Variants in ST3GAL4 observed in about 807,000 individuals in gnomAD.
ST3GAL4 encodes the protein CMP-N-acetylneuraminate-beta-galactosamide-alpha-2,3-sialyltransferase 4.
In ST3GAL4, 24 loss-of-function variants were observed where a neutral mutation model predicts 42.6. The ratio of observed to expected loss-of-function variants is 0.56; its 90% CI spans 0.41 to 0.79. The LOEUF (loss-of-function observed/expected upper bound fraction) is 0.79, where lower values mean the gene tolerates loss of function less well. ST3GAL4 is among the 30% of genes least tolerant of loss of function. ST3GAL4 has a pLI of 0.00. For synonymous variants in ST3GAL4, 135 were observed against 163.2 expected (o/e 0.83, Z 1.32); for missense variants, 311 against 430.8 (o/e 0.72, Z 2.46).
Position 126,407,640 on chromosome 11 carries a change from G to A in ST3GAL4, c.341+6G>A, listed in dbSNP as rs771545711. ...ATCCCCAAGAACATCCAGAGGTAAG[G>A]CGGCACTCCGACTCCAGTCTGGGCA... On this transcript the variant is annotated splice_donor_region_variant and intron_variant, in intron 6 of 10. Transcript: ENST00000444328. 3.3e-5 allele frequency: 53 copies of A among 1,613,794 alleles called. No homozygotes were observed. In the South Asian group the frequency reaches 5.7e-4, roughly 17 times the overall value.
Position 126,414,349 on chromosome 11 carries a change from G to A in ST3GAL4, c.*302G>A, listed in dbSNP as rs1591503469. On this transcript the variant is annotated 3_prime_UTR_variant, in exon 11 of 11. Transcript: ENST00000444328. ...TTATTTAATGGGCTATTTAATTAAGGGGTAGGAAGGTGCTGTGGGCTGGTC... is the reference window on the plus strand; with the variant it reads ...TTATTTAATGGGCTATTTAATTAAGAGGTAGGAAGGTGCTGTGGGCTGGTC... 2.4e-6 allele frequency: 1 copy of A among 419,380 alleles called. No homozygotes were observed. The highest frequency in any genetic ancestry group is 3.6e-5 in the Admixed American group (1 of 27,936). 26.0% of individuals were successfully genotyped at this position (419,380 alleles called of 1,614,324 possible).
In ST3GAL4 at chr11:126,367,006, G is replaced by C. The variant is rs563407061; in HGVS notation, c.-61+11164G>C. ...GGATAGAGTGTGTCATCTGCAGAGG[G>C]AGCACTGTTCTGGAAGTGGACTCTG... On this transcript the variant is annotated intron_variant, in intron 1 of 10. Coordinates refer to ENST00000444328, the MANE Select transcript of ST3GAL4 (RefSeq NM_001254757.2). 1.2e-3 allele frequency among the ~76,000 whole-genome samples: 185 copies of C among 152,188 alleles called. 1 individual carries two copies. The highest frequency in any genetic ancestry group is 4.1e-3 in the African/African-American group (172 of 41,498).
intron 1 of ST3GAL4, among the ~76,000 whole-genome samples, chr11:126,368,135 A>G (rs1952505097): frequency 6.8e-6 from 1 of 147,992 alleles, no homozygotes; most frequent in Non-Finnish European, 1.5e-5. Context: ...CCACAGAGTG[A>G]GACTGTCTCA....
intron 8 of ST3GAL4, chr11:126,408,757 C>T (rs1430085705): frequency 3.8e-6 from 2 of 532,100 alleles, no homozygotes; most frequent in Non-Finnish European, 6.7e-6. Flanking sequence ...GTGTCTGTGA[C>T]AGGAAAGCTT....
intron 1 of ST3GAL4, among the ~76,000 whole-genome samples, chr11:126,369,792 TCTCCCACCCGCC>T (rs1952574270): frequency 6.6e-6 from 1 of 152,186 alleles, no homozygotes; most frequent in Non-Finnish European, 1.5e-5. Flanking sequence ...AGAAAGTCAC[TCTCCCACCCGCC>T]CTCTTGAGAG....
At position 126,394,248 on chromosome 11, in the gene ST3GAL4, C is replaced by A. The variant is rs539204817; in HGVS notation, c.-60-11848C>A. Among the ~76,000 whole-genome samples, 3 of 152,248 alleles carry A rather than the reference C, an allele frequency of 2.0e-5. No homozygotes were observed. In the South Asian group the frequency reaches 6.2e-4, roughly 32 times the overall value. ...CATTGCTTCTCCTGGGAGGGAGGAGCGCCCGGGAGCCCCTGACCAGGACCT... is the reference window on the plus strand; with the variant it reads ...CATTGCTTCTCCTGGGAGGGAGGAGAGCCCGGGAGCCCCTGACCAGGACCT... On this transcript the variant is annotated intron_variant, in intron 1 of 10. Transcript: ENST00000444328.
intron 1 of ST3GAL4, among the ~76,000 whole-genome samples, chr11:126,374,454 C>CA (rs869295718): frequency 0.15 from 8,943 of 58,690 alleles, 344 homozygotes; most frequent in Non-Finnish European, 0.18. Flanking sequence ...ACTTTGTCTC[C>CA]AAAAAAAAAA....
Position 126,369,324 on chromosome 11 carries a change from T to C in ST3GAL4, c.-61+13482T>C, listed in dbSNP as rs1299595483. ...GCACAGTGGTGTGATCTCGGCTCAC[T>C]GCAACCTCGGCCTCCTGGATTCAAG... On this transcript the variant is annotated intron_variant, in intron 1 of 10. Transcript: ENST00000444328. Among the ~76,000 whole-genome samples the C allele has an allele frequency of 5.9e-5, 9 of 151,714 alleles. No individual in the cohort carries two copies. The East Asian group carries it at 1.6e-3, about 26-fold the overall frequency.
At chr11:126,369,041 A>G (rs1269518532) in intron 1 of ST3GAL4, among the ~76,000 whole-genome samples, 1 of 152,018 alleles carries the variant, frequency 6.6e-6, no homozygotes, top group Non-Finnish European at 1.5e-5. Flanking sequence ...CAGGGTGCAT[A>G]CTGTGGCTGG....
At chr11:126,369,813 A>C (rs956444267) in intron 1 of ST3GAL4, among the ~76,000 whole-genome samples, 1 of 152,224 alleles carries the variant, frequency 6.6e-6, no homozygotes, top group African/African-American at 2.4e-5. Context: ...CCCTCTTGAG[A>C]GGCAATAGCC....
intron 1 of ST3GAL4, among the ~76,000 whole-genome samples, chr11:126,367,516 G>C (rs1157306474): frequency 1.3e-5 from 2 of 152,178 alleles, no homozygotes; most frequent in African/African-American, 4.8e-5. Context: ...GGAGGACCAG[G>C]TGTCGCTGGT....
At chr11:126,380,817 C>A (rs1417695014) in intron 1 of ST3GAL4, among the ~76,000 whole-genome samples, 1 of 152,202 alleles carries the variant, frequency 6.6e-6, no homozygotes, top group African/African-American at 2.4e-5. Context: ...GACCTCCACC[C>A]TCTTCTCTCC....
At chr11:126,364,004 G>A (rs1952343055) in intron 1 of ST3GAL4, among the ~76,000 whole-genome samples, 1 of 152,228 alleles carries the variant, frequency 6.6e-6, no homozygotes, top group South Asian at 2.1e-4. Flanking sequence ...GTTCCACACA[G>A]TGGAGACTGA....
intron 1 of ST3GAL4, among the ~76,000 whole-genome samples, chr11:126,356,808 C>A (rs746100754): frequency 2.4e-4 from 36 of 152,212 alleles, no homozygotes; most frequent in Non-Finnish European, 1.9e-4. Flanking sequence ...CAGGCGGACT[C>A]ATTCTTTTTG....
intron 1 of ST3GAL4, chr11:126,405,552 C>T (rs906387896): frequency 3.1e-5 from 5 of 162,226 alleles, no homozygotes; most frequent in African/African-American, 1.2e-4. Flanking sequence ...GTCATAGCCC[C>T]ACCCTCACTC....
intron 1 of ST3GAL4, among the ~76,000 whole-genome samples, chr11:126,389,540 C>A (rs535905746): frequency 2.0e-5 from 3 of 152,180 alleles, no homozygotes; most frequent in Admixed American, 6.5e-5. Context: ...TTTGTTTTTG[C>A]AACACCTTTA....
At position 126,366,025 on chromosome 11, in the gene ST3GAL4, G is replaced by A. The variant is rs996616411; in HGVS notation, c.-61+10183G>A. On this transcript the variant is annotated intron_variant, in intron 1 of 10. Coordinates refer to ENST00000444328, the MANE Select transcript of ST3GAL4 (RefSeq NM_001254757.2). The surrounding 1 kb of genome is among the most constrained non-coding windows in gnomAD (Gnocchi z 4.2). Reference sequence around the variant, plus strand: ...GTGCCAGAATCTTTCTGGGAGCTGAGCCTGGCTGGGCAGAGGGCGAGGAGC... The same window carrying A: ...GTGCCAGAATCTTTCTGGGAGCTGAACCTGGCTGGGCAGAGGGCGAGGAGC... 2.0e-5 allele frequency among the ~76,000 whole-genome samples: 3 copies of A among 152,206 alleles called. No individual in the cohort carries two copies. Among genetic ancestry groups the A allele is most frequent in the African/African-American group, 7.2e-5 (3 of 41,460 alleles).
chr11:126,375,973 T>A (rs970393227), intron 1 of ST3GAL4, among the ~76,000 whole-genome samples: 1 of 146,980 alleles, frequency 6.8e-6, no homozygotes, highest in Non-Finnish European at 1.5e-5. Context: ...CGCCATGCAA[T>A]ACATCGTTAG....
rs1027597329 is a variant in ST3GAL4 at position 126,366,043 on chromosome 11, C to T, written c.-61+10201C>T. On this transcript the variant is annotated intron_variant, in intron 1 of 10. Coordinates refer to ENST00000444328, the MANE Select transcript of ST3GAL4 (RefSeq NM_001254757.2). The surrounding 1 kb of genome is among the most constrained non-coding windows in gnomAD (Gnocchi z 4.2). ...GAGCTGAGCCTGGCTGGGCAGAGGG[C>T]GAGGAGCCCAGGATTCCCCTTTCCG... 9.9e-5 allele frequency among the ~76,000 whole-genome samples: 15 copies of T among 152,150 alleles called. No homozygotes were observed. Among genetic ancestry groups the T allele is most frequent in the Non-Finnish European group, 1.5e-4 (10 of 68,010 alleles).
Sources: gnomAD v4.1 joint callset for allele counts (sites outside exome capture counted in the v4.1 genomes callset) on GRCh38, gnomAD v4.1.1 for gene constraint, Gnocchi (gnomAD v3.1) non-coding constraint, MANE v1.5 for transcripts, NCBI Gene and HGNC (gene_info 2026-07-23, HGNC 2026-07-21) for gene names.